Variants in CREB3L2 observed in about 807,000 individuals in gnomAD.
CREB3L2 encodes the protein cAMP responsive element binding protein 3 like 2.
In CREB3L2, 23 loss-of-function variants were observed where a neutral mutation model predicts 57.2. The observed-to-expected ratio is 0.40, with a 90% CI of 0.29 to 0.57. The LOEUF (loss-of-function observed/expected upper bound fraction) is 0.57. Among genes scored for constraint, CREB3L2 ranks in the 20% least tolerant of loss-of-function variants. The pLI, the probability that CREB3L2 is intolerant of heterozygous loss-of-function variation, is 0.42. For missense variants in CREB3L2, 628 were observed against 634.7 expected, an observed-to-expected ratio of 0.99 and a Z score of 0.11; for synonymous variants, 268 against 265.1, an observed-to-expected ratio of 1.01 and a Z score of -0.11.
chr7:137,959,449 C>T (rs1296249022), intron 1 of CREB3L2, among the ~76,000 whole-genome samples: 1 of 152,178 alleles, frequency 6.6e-6, no homozygotes, highest in East Asian at 1.9e-4. Context: ...AGCACCTGAG[C>T]ACAGACTCAT....
At chr7:137,896,017 C>T (rs1799622012) in intron 8 of CREB3L2, among the ~76,000 whole-genome samples, 1 of 152,220 alleles carries the variant, frequency 6.6e-6, no homozygotes, top group Non-Finnish European at 1.5e-5. Flanking sequence ...AAACACTGGT[C>T]ACCTGCATGG....
In CREB3L2 at chr7:137,971,447, C is replaced by T. The variant is rs1437961996; in HGVS notation, c.102+30157G>A. ...CCTGGGCATCAGAGCGAGACTCCGTCTCAAAAAAAAAAAAAAAATTTTGGA... is the reference window on the plus strand; with the variant it reads ...CCTGGGCATCAGAGCGAGACTCCGTTTCAAAAAAAAAAAAAAAATTTTGGA... On this transcript the variant is annotated intron_variant, in intron 1 of 11. Transcript: ENST00000330387. 1.6e-3 allele frequency among the ~76,000 whole-genome samples: 183 copies of T among 112,058 alleles called. 2 individuals are homozygous for T. Among genetic ancestry groups the T allele is most frequent in the East Asian group, 3.2e-3 (9 of 2,830 alleles). The allele number at this position is 112,058 out of a possible 152,430, so 73.5% of individuals were successfully genotyped here.
chr7:137,982,912 T>C (rs967718129), intron 1 of CREB3L2, among the ~76,000 whole-genome samples: 30 of 152,308 alleles, frequency 2.0e-4, no homozygotes, highest in African/African-American at 7.0e-4. Flanking sequence ...AAGAAGATGC[T>C]GTCTCTACCA....
In CREB3L2 at chr7:137,878,757, A is replaced by C. The variant is rs561945831; in HGVS notation, c.*1719T>G. The C allele has an allele frequency of 1.0e-4, 24 of 235,608 alleles. No homozygotes were observed. The highest frequency in any genetic ancestry group is 1.7e-4 in the South Asian group (1 of 5,826). The allele number at this position is 235,608 out of a possible 1,614,324, so 14.6% of individuals were successfully genotyped here. ...GGGGAATCACTCACAGGGAGCCCCA[A>C]ATGGGCCTAGACAGACAAGGCAGGG... is the stretch of plus-strand genomic sequence containing the variant. On this transcript the variant is annotated 3_prime_UTR_variant, in exon 12 of 12. Coordinates refer to ENST00000330387, the MANE Select transcript of CREB3L2 (RefSeq NM_194071.4).
intron 1 of CREB3L2, among the ~76,000 whole-genome samples, chr7:137,941,634 G>C (rs1275090572): frequency 6.6e-6 from 1 of 152,162 alleles, no homozygotes; most frequent in African/African-American, 2.4e-5. Flanking sequence ...GCCCCAGCCA[G>C]GTTATTCATT....
chr7:137,909,046 G>C (rs1799952877), intron 4 of CREB3L2, among the ~76,000 whole-genome samples: 1 of 152,182 alleles, frequency 6.6e-6, no homozygotes, highest in Admixed American at 6.5e-5. Flanking sequence ...GTTGCAGTGA[G>C]CCAAGATCAC....
chr7:137,950,695 G>A (rs563482256), intron 1 of CREB3L2, among the ~76,000 whole-genome samples: 2 of 151,172 alleles, frequency 1.3e-5, no homozygotes, highest in African/African-American at 4.9e-5. Context: ...ACAAACAAAA[G>A]GACATATCAG....
intron 1 of CREB3L2, among the ~76,000 whole-genome samples, chr7:137,969,874 T>C (rs761332523): frequency 6.6e-6 from 1 of 152,168 alleles, no homozygotes; most frequent in Non-Finnish European, 1.5e-5. Context: ...TCAAATGATA[T>C]ATGTCTTGAC....
In CREB3L2 at chr7:137,876,231, T is replaced by C. The variant is rs1408884667; in HGVS notation, c.*4245A>G. On this transcript the variant is annotated 3_prime_UTR_variant, in exon 12 of 12. Transcript: ENST00000330387. Reference sequence around the variant, plus strand: ...AACTCAATCTAATAATAAAAGAATATATACAAAATCTCCCAGTGACGAGGG... The same window carrying C: ...AACTCAATCTAATAATAAAAGAATACATACAAAATCTCCCAGTGACGAGGG... 4 of 231,642 alleles carry C rather than the reference T, an allele frequency of 1.7e-5. No individual in the cohort carries two copies. Among genetic ancestry groups the C allele is most frequent in the Non-Finnish European group, 3.4e-5 (4 of 117,792 alleles). The allele number at this position is 231,642 out of a possible 1,614,324, so 14.3% of individuals were successfully genotyped here.
At chr7:137,966,920 T>G (rs141527346) in intron 1 of CREB3L2, among the ~76,000 whole-genome samples, 97 of 152,304 alleles carry the variant, frequency 6.4e-4, no homozygotes, top group Admixed American at 2.4e-3. Context: ...ATTCATATAT[T>G]GAATCCCTAA....
intron 1 of CREB3L2, among the ~76,000 whole-genome samples, chr7:137,941,505 C>T (rs966287246): frequency 6.6e-6 from 1 of 152,204 alleles, no homozygotes; most frequent in Non-Finnish European, 1.5e-5. Context: ...GCAATGAACC[C>T]TCTTCTATCT....
intron 1 of CREB3L2, among the ~76,000 whole-genome samples, chr7:137,997,722 A>G (rs1802010192): frequency 8.6e-6 from 1 of 116,438 alleles, no homozygotes; most frequent in South Asian, 3.7e-4. Flanking sequence ...AACAAGACCC[A>G]TCTCAAAAAT....
rs573730000 is a variant in CREB3L2, at chr7:138,002,059, T to C, written c.-354A>G. Reference sequence around the variant, plus strand: ...GCCGCTACGGCTCCAGACACAAACTTTGAGGGACCCCAGGGCTCCTCGGCT... The same window carrying C: ...GCCGCTACGGCTCCAGACACAAACTCTGAGGGACCCCAGGGCTCCTCGGCT... On this transcript the variant is annotated 5_prime_UTR_variant, in exon 1 of 12. Coordinates refer to ENST00000330387, the MANE Select transcript of CREB3L2 (RefSeq NM_194071.4). The C allele has an allele frequency of 7.8e-5, 23 of 294,050 alleles. No individual in the cohort carries two copies. Among genetic ancestry groups the C allele is most frequent in the African/African-American group, 3.8e-4 (18 of 47,066 alleles). 18.2% of individuals were successfully genotyped at this position (294,050 alleles called of 1,614,324 possible).
At chr7:137,919,126 G>A (rs1316396844) in intron 2 of CREB3L2, among the ~76,000 whole-genome samples, 2 of 151,620 alleles carry the variant, frequency 1.3e-5, no homozygotes, top group African/African-American at 2.4e-5. Flanking sequence ...GATCCTGAAA[G>A]ATGCTTTAGA....
intron 1 of CREB3L2, among the ~76,000 whole-genome samples, chr7:137,938,473 G>A (rs1412291741): frequency 6.6e-6 from 1 of 152,026 alleles, no homozygotes; most frequent in African/African-American, 2.4e-5. Context: ...AGTCTCCTGA[G>A]TAGCTGGGAT....
intron 9 of CREB3L2, 131 bp from the exon 10 acceptor site, chr7:137,885,252 C>T: frequency 8.3e-7 from 1 of 1,208,236 alleles, no homozygotes; most frequent in South Asian, 1.4e-5. Flanking sequence ...AGTCACATCA[C>T]CAGAGTGCCT....
At chr7:137,932,178 T>C (rs892288299) in intron 1 of CREB3L2, among the ~76,000 whole-genome samples, 3 of 152,248 alleles carry the variant, frequency 2.0e-5, no homozygotes, top group Non-Finnish European at 4.4e-5. Flanking sequence ...TTTATTCATG[T>C]TTATACACGT....
At chr7:137,931,236 G>C (rs1315990464) in intron 1 of CREB3L2, among the ~76,000 whole-genome samples, 1 of 151,566 alleles carries the variant, frequency 6.6e-6, no homozygotes, top group African/African-American at 2.4e-5. Flanking sequence ...TGTCTTTAAA[G>C]AAAAGGCCAA....
At chr7:137,899,863 G>A (rs780554900) in intron 8 of CREB3L2, among the ~76,000 whole-genome samples, 3 of 152,152 alleles carry the variant, frequency 2.0e-5, no homozygotes, top group African/African-American at 4.8e-5. Context: ...ATCAGGAAAC[G>A]GGAATTAAAT....
Sources: allele counts gnomAD v4.1 joint callset (sites outside exome capture counted in the v4.1 genomes callset), GRCh38; gene constraint gnomAD v4.1.1; transcripts MANE v1.5; gene names NCBI Gene and HGNC (gene_info 2026-07-23, HGNC 2026-07-21).